REV3L: variants seen among roughly 807,000 people sequenced by gnomAD.
REV3L encodes DNA polymerase zeta catalytic subunit.
A neutral mutation model predicts 299.4 loss-of-function variants in REV3L; 69 were observed. The observed-to-expected ratio is 0.23, with a 90% CI of 0.19 to 0.28. The LOEUF (loss-of-function observed/expected upper bound fraction) is 0.28, where lower values mean the gene tolerates loss of function less well. Ranked by LOEUF, REV3L falls within the 10% of genes least tolerant of loss-of-function variation. REV3L has a pLI of 1.00. For missense variants in REV3L, 3,128 were observed against 3,693.8 expected (o/e 0.85, Z 3.97); for synonymous variants, 1,238 against 1,271.4 (o/e 0.97, Z 0.56).
intron 1 of REV3L, among the ~76,000 whole-genome samples, chr6:111,473,893 C>T (rs1792566021): frequency 6.6e-6 from 1 of 152,048 alleles, no homozygotes; most frequent in Non-Finnish European, 1.5e-5. Context: ...AATCCCTGAG[C>T]CTGCTATGTA....
chr6:111,351,534 T>C lies in REV3L; in HGVS notation c.7300+142A>G, dbSNP rs953877660. 3 of 517,560 alleles carry C rather than the reference T, an allele frequency of 5.8e-6. No homozygotes were observed. The African/African-American group carries it at 5.9e-5, about 10-fold the overall frequency. 32.1% of individuals were successfully genotyped at this position (517,560 alleles called of 1,614,324 possible). A position where few individuals can be genotyped will look rare whatever the true frequency, so the allele number is the denominator to read the frequency against. On this transcript the variant is annotated intron_variant, in intron 19 of 31. Transcript: ENST00000368802. Reference sequence around the variant, plus strand: ...ATTTTATTTTTAATTTTTTCTACAATGGAGTTATGCTATATCTAAAACTTA... The same window carrying C: ...ATTTTATTTTTAATTTTTTCTACAACGGAGTTATGCTATATCTAAAACTTA...
rs111508324 is a variant in REV3L at position 111,401,369 on chromosome 6, A to G, written c.565+4101T>C. 3.9e-3 allele frequency among the ~76,000 whole-genome samples: 592 copies of G among 152,358 alleles called. 5 individuals carry two copies. The highest frequency in any genetic ancestry group is 0.013 in the African/African-American group (558 of 41,588). ...TTTCAGTCATTATGGAGAAAAAGCCAAGCCTACTTCATCCTTCATTATATG... is the reference window on the plus strand; with the variant it reads ...TTTCAGTCATTATGGAGAAAAAGCCGAGCCTACTTCATCCTTCATTATATG... On this transcript the variant is annotated intron_variant, in intron 4 of 31. Transcript: ENST00000368802.
chr6:111,388,826 C>T (rs1222900589), intron 7 of REV3L, among the ~76,000 whole-genome samples: 1 of 151,924 alleles, frequency 6.6e-6, no homozygotes, highest in Non-Finnish European at 1.5e-5. Flanking sequence ...CTAGAACATA[C>T]TAGAGAATGA....
rs1778365048 is a variant in REV3L at position 111,358,898 on chromosome 6, A to G, written c.6996T>C (p.Thr2332=). Residue 2332 remains threonine, a synonymous_variant, in exon 17 of 32, where the codon ACT becomes ACC. Coordinates refer to ENST00000368802, the MANE Select transcript of REV3L (RefSeq NM_001372078.1). ...CTGTTTTTTCTGTATCTGGCAGTGG[A>G]GTGTCAGATGAGATGCAGTAGAACA... ...CALFYCISSD[T]PLPDTEKTEL... The G allele has an allele frequency of 6.2e-7, 1 of 1,614,074 alleles. No homozygotes were observed.
chr6:111,356,998 A>T lies in REV3L; in HGVS notation c.7184+16T>A, dbSNP rs756388003. 4.4e-6 allele frequency: 6 copies of T among 1,354,276 alleles called. No individual in the cohort carries two copies. The African/African-American group carries it at 8.8e-5, about 20-fold the overall frequency. The allele number at this position is 1,354,276 out of a possible 1,614,324, so 83.9% of individuals were successfully genotyped here. A position where few individuals can be genotyped will look rare whatever the true frequency, so the allele number is the denominator to read the frequency against. On this transcript the variant is annotated intron_variant, in intron 18 of 31. Transcript: ENST00000368802. The stretch of plus-strand genomic sequence containing the variant: ...CTCTGAATAAAACTGGAAAAATCAG[A>T]TATACAAAACAATACCTCTTTATTA...
intron 28 of REV3L, chr6:111,312,616 G>A (rs1773102938): frequency 6.6e-6 from 1 of 152,248 alleles, no homozygotes; most frequent in East Asian, 1.9e-4. Flanking sequence ...TGAGTGCAGT[G>A]TTGTGATCTT....
intron 28 of REV3L, 119 bp downstream of exon 28, chr6:111,313,233 T>C (rs775851218): frequency 3.3e-5 from 27 of 814,522 alleles, no homozygotes; most frequent in Non-Finnish European, 4.7e-5. Context: ...CCTATAGTTA[T>C]ATTAATTATA....
intron 6 of REV3L, 107 bp from the exon 7 acceptor site, chr6:111,389,317 T>C (rs1781667903): frequency 1.2e-6 from 1 of 809,702 alleles, no homozygotes; most frequent in African/African-American, 1.7e-5. Context: ...CAATCACATA[T>C]TTTGTGTAAT....
At chr6:111,450,507 C>T (rs1427084022) in intron 1 of REV3L, among the ~76,000 whole-genome samples, 3 of 79,570 alleles carry the variant, frequency 3.8e-5, no homozygotes, top group Non-Finnish European at 8.6e-5. Context: ...AAAAAAAAAA[C>T]CAAAAAACAT....
intron 1 of REV3L, among the ~76,000 whole-genome samples, chr6:111,441,899 T>A (rs1163461108): frequency 1.3e-5 from 2 of 152,188 alleles, no homozygotes; most frequent in Non-Finnish European, 2.9e-5. Flanking sequence ...GGGGAGAAGA[T>A]AAAGTGTTCT....
chr6:111,469,390 A>T (rs1791905787), intron 1 of REV3L, among the ~76,000 whole-genome samples: 1 of 152,236 alleles, frequency 6.6e-6, no homozygotes, highest in Non-Finnish European at 1.5e-5. Context: ...TAAATTGCTT[A>T]CATAAACACT....
chr6:111,482,647 G>A (rs1793895961), intron 1 of REV3L, 103 bp downstream of exon 1: 3 of 669,932 alleles, frequency 4.5e-6, no homozygotes, highest in Middle Eastern at 6.7e-4. Context: ...GCGATCCACG[G>A]AGACGGCCGG....
At chr6:111,403,209 T>A (rs1783264885) in intron 4 of REV3L, among the ~76,000 whole-genome samples, 1 of 152,108 alleles carries the variant, frequency 6.6e-6, no homozygotes. Context: ...AAAAGTAGAT[T>A]AGTAAGGTTG....
intron 31 of REV3L, among the ~76,000 whole-genome samples, chr6:111,303,533 A>G (rs1416698036): frequency 6.6e-6 from 1 of 150,816 alleles, no homozygotes; most frequent in African/African-American, 2.4e-5. Flanking sequence ...TACCCTGCTA[A>G]TTTTTGTATT....
Position 111,427,044 on chromosome 6 carries a change from G to A in REV3L, c.140-10572C>T, listed in dbSNP as rs1436171817. Among the ~76,000 whole-genome samples the A allele has an allele frequency of 2.7e-5, 4 of 149,174 alleles. No individual in the cohort carries two copies. The Admixed American group carries it at 2.7e-4, about 10-fold the overall frequency. On this transcript the variant is annotated intron_variant, in intron 1 of 31. Coordinates refer to ENST00000368802, the MANE Select transcript of REV3L (RefSeq NM_001372078.1). ...TTAATTGAAAGGTAAATAAACCAAAGTCTCAAAAAAAAATTCTGATTATGA... is the reference window on the plus strand; with the variant it reads ...TTAATTGAAAGGTAAATAAACCAAAATCTCAAAAAAAAATTCTGATTATGA...
intron 21 of REV3L, among the ~76,000 whole-genome samples, chr6:111,339,241 T>C (rs1157270413): frequency 6.6e-6 from 1 of 152,146 alleles, no homozygotes; most frequent in Non-Finnish European, 1.5e-5. Context: ...CATTTAATTC[T>C]TACTTCACTT....
At chr6:111,450,478 C>CAAAAAAAAAAA (rs869119350) in intron 1 of REV3L, among the ~76,000 whole-genome samples, 7 of 54,106 alleles carry the variant, frequency 1.3e-4, no homozygotes, top group East Asian at 6.9e-4. Context: ...GACCCTGTCT[C>CAAAAAAAAAAA]AAAAAAAAAA....
intron 5 of REV3L, among the ~76,000 whole-genome samples, chr6:111,390,578 CA>C: frequency 6.6e-6 from 1 of 151,950 alleles, no homozygotes; most frequent in Admixed American, 6.6e-5. Flanking sequence ...TTTCAGTATT[CA>C]AAAAACAAGG....
intron 14 of REV3L, among the ~76,000 whole-genome samples, chr6:111,365,549 T>A (rs1562188977): frequency 6.6e-6 from 1 of 152,164 alleles, no homozygotes; most frequent in African/African-American, 2.4e-5. Context: ...TTTTAAATGT[T>A]TATGTTTTAA....
Sources: allele counts gnomAD v4.1 joint callset (sites outside exome capture counted in the v4.1 genomes callset), GRCh38; gene constraint gnomAD v4.1.1; transcripts MANE v1.5; gene names NCBI Gene and HGNC (gene_info 2026-07-23, HGNC 2026-07-21).